SVIL: variants seen among roughly 807,000 people sequenced by gnomAD.
The protein encoded by SVIL is archvillin.
Under a neutral mutation model 240.4 loss-of-function variants are expected in SVIL, and 101 were observed. The observed-to-expected ratio is 0.42, with a 90% CI of 0.36 to 0.50. The LOEUF is 0.50. Ranked by LOEUF, SVIL falls within the 20% of genes least tolerant of loss-of-function variation. The pLI, the probability that SVIL is intolerant of heterozygous loss-of-function variation, is 0.01. For missense variants in SVIL, 2,512 were observed against 2,818.7 expected, an observed-to-expected ratio of 0.89 and a Z score of 2.46; for synonymous variants, 999 against 1,100.0, an observed-to-expected ratio of 0.91 and a Z score of 1.82.
At chr10:29,472,802 G>C (rs1019974975) in intron 30 of SVIL, among the ~76,000 whole-genome samples, 1 of 152,212 alleles carries the variant, frequency 6.6e-6, no homozygotes, top group African/African-American at 2.4e-5. Context: ...TGTAAGGCCA[G>C]GGTCTCAGGG....
chr10:29,504,152 A>T (rs1470504488), intron 17 of SVIL, among the ~76,000 whole-genome samples: 1 of 152,240 alleles, frequency 6.6e-6, no homozygotes, highest in African/African-American at 2.4e-5. Flanking sequence ...ATGTAAAAAA[A>T]AACTAGATAC....
intron 1 of SVIL, among the ~76,000 whole-genome samples, chr10:29,585,455 C>T (rs1047208362): frequency 6.6e-6 from 1 of 152,138 alleles, no homozygotes; most frequent in Admixed American, 6.5e-5. Context: ...TCCTAACATG[C>T]TGGGATTATA....
intron 17 of SVIL, among the ~76,000 whole-genome samples, chr10:29,506,680 T>TGAGGGAGGGGACAGAGGCCTTAC (rs1949327991): frequency 2.0e-4 from 10 of 50,932 alleles, no homozygotes; most frequent in African/African-American, 5.6e-4. Flanking sequence ...AGAGGCCCTA[T>TGAGGGAGGGGACAGAGGCCTTAC]GAGGGAGGGG....
intron 3 of SVIL, among the ~76,000 whole-genome samples, chr10:29,558,249 C>T (rs890305111): frequency 1.3e-5 from 2 of 152,198 alleles, no homozygotes; most frequent in African/African-American, 2.4e-5. Flanking sequence ...AATCCATCAA[C>T]ATAGTGGGTA....
chr10:29,678,246 A>T (rs924748843), intron 2 of SVIL, among the ~76,000 whole-genome samples: 2 of 152,074 alleles, frequency 1.3e-5, no homozygotes, highest in African/African-American at 4.8e-5. Context: ...ATGTAGAATC[A>T]GTGGAAGCCC....
chr10:29,551,144 C>T lies in SVIL; in HGVS notation c.280G>A (p.Asp94Asn), dbSNP rs1266044100. 2 of 1,614,136 alleles carry T rather than the reference C, an allele frequency of 1.2e-6. No individual in the cohort carries two copies. The highest frequency in any genetic ancestry group is 1.7e-5 in the Admixed American group (1 of 60,018). Reference protein sequence around the residue: ...GDSPYGSGTMDTHSLESKAER... With the variant: ...GDSPYGSGTMNTHSLESKAER... ...GCTTTGGACTCCAGACTGTGGGTGT[C>T]CATGGTACCCGAACCATAGGGTGAG... The change falls in exon 6 of 38, where the codon GAC becomes AAC. Residue 94 changes from aspartate (D) to asparagine (N), a missense_variant. By Grantham distance (23) the Asp-to-Asn change is conservative (BLOSUM62 1). Coordinates refer to ENST00000355867, the MANE Select transcript of SVIL (RefSeq NM_021738.3).
upstream of SVIL, among the ~76,000 whole-genome samples, chr10:29,638,457 ACT>A (rs1958382242): frequency 6.6e-6 from 1 of 150,800 alleles, no homozygotes; most frequent in Non-Finnish European, 1.5e-5. Context: ...CAAGGGTGAA[ACT>A]CTGTCTCAAA....
At chr10:29,540,120 T>C (rs1022106434) in intron 6 of SVIL, among the ~76,000 whole-genome samples, 5 of 152,194 alleles carry the variant, frequency 3.3e-5, no homozygotes, top group Non-Finnish European at 5.9e-5. Context: ...GCAGCCAGCA[T>C]AATGCTTTGA....
Position 29,701,292 on chromosome 10 carries a change from C to T in SVIL, c.-399-14641G>A, listed in dbSNP as rs998366367. Among the ~76,000 whole-genome samples the T allele has an allele frequency of 5.3e-5, 8 of 152,228 alleles. No individual in the cohort carries two copies. The East Asian group carries it at 1.5e-3, about 29-fold the overall frequency. On this transcript the variant is annotated intron_variant, in intron 1 of 35. Transcript: ENST00000375400. The stretch of plus-strand genomic sequence containing the variant: ...TCTTTTTGGGTTGAAGCTGGAAAAG[C>T]TTCCAGGGGCCACCTCTCAGGCCCC...
Position 29,523,593 on chromosome 10 carries a change from G to A in SVIL, c.3021C>T (p.Pro1007=). ...RRGSLERANP[P]ITHLGDEPKE... ...TCGGTTCATCCCCGAGGTGGGTGAT[G>A]GGAGGGTTCGCCCGTTCCAGGCTTC... The change falls in exon 15 of 38, where the codon CCC becomes CCT. Residue 1007 remains proline (P), a synonymous_variant. Coordinates refer to ENST00000355867, the MANE Select transcript of SVIL (RefSeq NM_021738.3). 4 of 1,614,180 alleles carry A rather than the reference G, an allele frequency of 2.5e-6. No individual in the cohort carries two copies. Among genetic ancestry groups the A allele is most frequent in the Non-Finnish European group, 3.4e-6 (4 of 1,180,032 alleles).
rs114191761 is a variant in SVIL at position 29,730,979 on chromosome 10, T to C, written c.-400+4772A>G. Among the ~76,000 whole-genome samples the C allele has an allele frequency of 2.4e-3, 365 of 152,260 alleles. 5 individuals carry two copies. The highest frequency in any genetic ancestry group is 8.4e-3 in the African/African-American group (348 of 41,570). ...CAAGCAGGCCTAGGTAGAGGCACAA[T>C]ACGAAATCTTTTTTAAGGACATGTA... is the stretch of plus-strand genomic sequence containing the variant. On this transcript the variant is annotated intron_variant, in intron 1 of 35. Coordinates refer to the SVIL transcript ENST00000375400.
At chr10:29,605,021 G>C (rs1956967547) in intron 1 of SVIL, among the ~76,000 whole-genome samples, 2 of 152,174 alleles carry the variant, frequency 1.3e-5, no homozygotes, top group African/African-American at 4.8e-5. Flanking sequence ...ACTGTTATTT[G>C]TTTCTTGTTT....
At chr10:29,718,912 C>T (rs997908651) in intron 1 of SVIL, among the ~76,000 whole-genome samples, 1 of 152,146 alleles carries the variant, frequency 6.6e-6, no homozygotes, top group Non-Finnish European at 1.5e-5. Context: ...GAGTTTAAGA[C>T]CAGCCTGGCC....
At chr10:29,529,175 C>CAAAAAAAAA (rs66523560) in intron 12 of SVIL, among the ~76,000 whole-genome samples, 122 of 66,042 alleles carry the variant, frequency 1.8e-3, no homozygotes, top group Non-Finnish European at 2.2e-3. Context: ...GACTCTCTCT[C>CAAAAAAAAA]AAAAAAAAAA....
At chr10:29,645,962 C>T (rs776256717) in intron 3 of SVIL, among the ~76,000 whole-genome samples, 28 of 152,176 alleles carry the variant, frequency 1.8e-4, no homozygotes, top group Non-Finnish European at 3.2e-4. Flanking sequence ...CCAGGTACTC[C>T]TAACTCCTTG....
rs550206086 is a variant in SVIL at position 29,661,008 on chromosome 10, A to G, written c.-300-2940T>C. ...ATGGTGAAACCCCGTCTCTACTAAA[A>G]ATACAAAAATTAGCCAGGTGTGGTG... On this transcript the variant is annotated intron_variant, in intron 2 of 35. Transcript: ENST00000375400. Among the ~76,000 whole-genome samples, 6 of 152,276 alleles carry G rather than the reference A, an allele frequency of 3.9e-5. No individual in the cohort carries two copies. The East Asian group carries it at 1.2e-3, about 29-fold the overall frequency.
intron 36 of SVIL, among the ~76,000 whole-genome samples, chr10:29,460,308 G>A (rs1944095192): frequency 6.6e-6 from 1 of 152,116 alleles, no homozygotes; most frequent in South Asian, 2.1e-4. Flanking sequence ...TGCAGAGTGG[G>A]CACTTGCTGA....
intron 1 of SVIL, among the ~76,000 whole-genome samples, chr10:29,709,663 G>A (rs1963142123): frequency 2.0e-5 from 3 of 152,174 alleles, no homozygotes; most frequent in Admixed American, 6.5e-5. Context: ...ACCCAGGGGC[G>A]TCACCCCAGT....
At chr10:29,632,956 G>A (rs1006039349) in intron 1 of SVIL, among the ~76,000 whole-genome samples, 6 of 152,148 alleles carry the variant, frequency 3.9e-5, no homozygotes, top group East Asian at 1.9e-4. Context: ...ACCGGGTGCC[G>A]GGTGCAGGGG....
Sources: allele counts gnomAD v4.1 joint callset (sites outside exome capture counted in the v4.1 genomes callset), GRCh38; gene constraint gnomAD v4.1.1; transcripts MANE v1.5; gene names NCBI Gene and HGNC (gene_info 2026-07-23, HGNC 2026-07-21).